Variants in OSBPL10 observed in about 807,000 individuals in gnomAD.
The protein encoded by OSBPL10 is oxysterol-binding protein-related protein 10.
Under a neutral mutation model 81.7 loss-of-function variants are expected in OSBPL10, and 49 were observed. That is an observed-to-expected ratio of 0.60 (90% CI 0.48 to 0.76). The LOEUF is 0.76. Ranked by LOEUF, OSBPL10 falls within the 30% of genes least tolerant of loss-of-function variation. The pLI is 0.00. For synonymous variants in OSBPL10, 419 were observed against 383.6 expected (o/e 1.09, Z -1.08); for missense variants, 923 against 987.8 (o/e 0.93, Z 0.88).
At chr3:31,686,833 G>A (rs1454407491) in intron 7 of OSBPL10, among the ~76,000 whole-genome samples, 1 of 152,042 alleles carries the variant, frequency 6.6e-6, no homozygotes, top group Non-Finnish European at 1.5e-5. Context: ...TGCTCTCTGG[G>A]GGCTGCTCTT....
intron 2 of OSBPL10, among the ~76,000 whole-genome samples, chr3:32,001,746 A>G (rs1297943649): frequency 6.6e-6 from 1 of 152,090 alleles, no homozygotes; most frequent in African/African-American, 2.4e-5. Context: ...TGTAAAAAAA[A>G]AAAGCCTAGC....
chr3:32,008,533 C>T (rs981851960), intron 2 of OSBPL10, among the ~76,000 whole-genome samples: 1 of 150,850 alleles, frequency 6.6e-6, no homozygotes, highest in Non-Finnish European at 1.5e-5. Context: ...GAGTTCAAGA[C>T]CAGCCTGGGC....
At chr3:31,740,857 TTATA>T (rs145097507) in intron 5 of OSBPL10, among the ~76,000 whole-genome samples, 4 of 136,390 alleles carry the variant, frequency 2.9e-5, no homozygotes, top group African/African-American at 1.3e-4. Flanking sequence ...CTACTAGAAT[TTATA>T]TATATATGTC....
chr3:31,755,612 A>G (rs531645725), intron 4 of OSBPL10, among the ~76,000 whole-genome samples: 1 of 152,376 alleles, frequency 6.6e-6, no homozygotes, highest in African/African-American at 2.4e-5. Flanking sequence ...AAGGCAGGAC[A>G]GGCTAATGGC....
chr3:31,778,506 G>T (rs998483137), intron 4 of OSBPL10, among the ~76,000 whole-genome samples: 2 of 152,006 alleles, frequency 1.3e-5, no homozygotes, highest in African/African-American at 2.4e-5. Context: ...ATCAGGCAAA[G>T]ACAAAAAAGA....
rs79395242 is a variant in OSBPL10 at position 31,773,191 on chromosome 3, T to A, written c.730-25071A>T. ...TTCCAGAGTGGCCTCACATACAGAT[T>A]GGCAAATTTCCTCTTCCTTTTTTGG... On this transcript the variant is annotated intron_variant, in intron 4 of 11. Transcript: ENST00000396556. Among the ~76,000 whole-genome samples, 93 of 152,304 alleles carry A rather than the reference T, an allele frequency of 6.1e-4. No individual in the cohort carries two copies. In the East Asian group the frequency reaches 0.017, roughly 28 times the overall value.
chr3:31,697,141 G>A (rs539077352), intron 7 of OSBPL10, among the ~76,000 whole-genome samples: 193 of 152,310 alleles, frequency 1.3e-3, no homozygotes, highest in African/African-American at 4.5e-3. Context: ...CTAAGTCTTA[G>A]GAAGGCTTAC....
intron 5 of OSBPL10, among the ~76,000 whole-genome samples, chr3:31,743,075 C>T (rs1033223374): frequency 9.0e-6 from 1 of 111,552 alleles, no homozygotes; most frequent in Non-Finnish European, 1.7e-5. Flanking sequence ...GAGTCTTGCT[C>T]TGTCCCCCAG....
rs1307637885 is a variant in OSBPL10 at position 31,918,058 on chromosome 3, A to G, written c.282-38228T>C. Among the ~76,000 whole-genome samples, 17 of 152,138 alleles carry G rather than the reference A, an allele frequency of 1.1e-4. No homozygotes were observed. The East Asian group carries it at 1.5e-3, about 14-fold the overall frequency. On this transcript the variant is annotated intron_variant, in intron 1 of 11. Coordinates refer to ENST00000396556, the MANE Select transcript of OSBPL10 (RefSeq NM_017784.5). ...AAATTTATCTACAAGTTGAGCTTAA[A>G]GTTCAAGAAATACTAGGTTTTAAAA...
intron 3 of OSBPL10, among the ~76,000 whole-genome samples, chr3:31,866,201 C>CCCCACTCCTGTCTCCTCCTT (rs1322960106): frequency 2.0e-5 from 3 of 152,136 alleles, no homozygotes; most frequent in Non-Finnish European, 4.4e-5. Flanking sequence ...GGATAGAATT[C>CCCCACTCCTGTCTCCTCCTT]CCCACTCCTG....
intron 1 of OSBPL10, among the ~76,000 whole-genome samples, chr3:31,925,130 A>G (rs1006677298): frequency 6.6e-6 from 1 of 152,186 alleles, no homozygotes; most frequent in East Asian, 1.9e-4. Context: ...TCTAAGTAGT[A>G]GTACTTGGGA....
At chr3:31,802,277 G>C (rs1054499538) in intron 4 of OSBPL10, among the ~76,000 whole-genome samples, 1 of 151,704 alleles carries the variant, frequency 6.6e-6, no homozygotes, top group African/African-American at 2.4e-5. Flanking sequence ...ATTCTCTGGG[G>C]CTGGGCATGG....
At chr3:31,797,549 G>A (rs1190981454) in intron 4 of OSBPL10, among the ~76,000 whole-genome samples, 1 of 152,120 alleles carries the variant, frequency 6.6e-6, no homozygotes, top group Admixed American at 6.5e-5. Flanking sequence ...CTGAGCCTAA[G>A]GGCCCAGGAG....
intron 4 of OSBPL10, among the ~76,000 whole-genome samples, chr3:31,799,289 C>T (rs945486303): frequency 6.6e-6 from 1 of 150,398 alleles, no homozygotes; most frequent in East Asian, 2.0e-4. Flanking sequence ...GGCTTGTCAC[C>T]CCAGCTACTT....
At chr3:31,701,913 T>C (rs1185637684) in intron 7 of OSBPL10, 1 of 158,136 alleles carries the variant, frequency 6.3e-6, no homozygotes, top group South Asian at 1.9e-4. Flanking sequence ...CCTCAGAAGG[T>C]CGTGAGGTTG....
intron 3 of OSBPL10, among the ~76,000 whole-genome samples, chr3:31,831,878 T>G (rs1386040276): frequency 6.6e-6 from 1 of 152,214 alleles, no homozygotes; most frequent in African/African-American, 2.4e-5. Flanking sequence ...TCTGGGAATG[T>G]ATCCTCCAGA....
chr3:31,670,407 T>C (rs1700293984), intron 9 of OSBPL10, among the ~76,000 whole-genome samples: 1 of 152,210 alleles, frequency 6.6e-6, no homozygotes, highest in Non-Finnish European at 1.5e-5. Flanking sequence ...CATGGATGCA[T>C]GACACAGAAT....
chr3:32,046,915 G>A (rs1409864888), intron 1 of OSBPL10, among the ~76,000 whole-genome samples: 1 of 152,116 alleles, frequency 6.6e-6, no homozygotes, highest in Admixed American at 6.5e-5. Flanking sequence ...CCAGAAAAAG[G>A]GTCCCAATCG....
intron 1 of OSBPL10, among the ~76,000 whole-genome samples, chr3:31,923,646 C>T (rs768603295): frequency 2.0e-5 from 3 of 152,132 alleles, no homozygotes; most frequent in Non-Finnish European, 4.4e-5. Context: ...TTAAAAATAG[C>T]TGATTTGGTG....
Sources: allele counts gnomAD v4.1 joint callset (sites outside exome capture counted in the v4.1 genomes callset), GRCh38; gene constraint gnomAD v4.1.1; transcripts MANE v1.5; gene names NCBI Gene and HGNC (gene_info 2026-07-23, HGNC 2026-07-21).